BUB1B: variants seen among roughly 807,000 people sequenced by gnomAD.
BUB1B encodes BUB1 mitotic checkpoint serine/threonine kinase B, also known as mitotic checkpoint serine/threonine-protein kinase BUB1 beta.
Under a neutral mutation model 137.7 loss-of-function variants are expected in BUB1B, and 86 were observed. The ratio of observed to expected loss-of-function variants is 0.62; its 90% CI spans 0.52 to 0.75. The LOEUF (loss-of-function observed/expected upper bound fraction) is 0.75, where lower values mean the gene tolerates loss of function less well. Ranked by LOEUF, BUB1B falls within the 30% of genes least tolerant of loss-of-function variation. BUB1B has a pLI of 0.00. For missense variants in BUB1B, 1,130 were observed against 1,236.9 expected (o/e 0.91, Z 1.30); for synonymous variants, 420 against 417.9 (o/e 1.00, Z -0.06).
At chr15:40,211,707 C>A (rs2037713848) in intron 18 of BUB1B, among the ~76,000 whole-genome samples, 1 of 152,160 alleles carries the variant, frequency 6.6e-6, no homozygotes, top group Non-Finnish European at 1.5e-5. Flanking sequence ...CAGAGCCCTT[C>A]TGTTTTATAC....
At chr15:40,206,727 T>C (rs1333619101) in intron 15 of BUB1B, among the ~76,000 whole-genome samples, 3 of 152,194 alleles carry the variant, frequency 2.0e-5, no homozygotes, top group East Asian at 1.9e-4. Flanking sequence ...TTGCAAAGTG[T>C]ACATGACTGA....
intron 4 of BUB1B, among the ~76,000 whole-genome samples, 192 bp from the exon 5 acceptor site, chr15:40,176,285 C>T (rs2037222251): frequency 6.6e-6 from 1 of 152,190 alleles, no homozygotes. Context: ...CCTTTACTCT[C>T]CAACTCTTCT....
chr15:40,189,242 C>T (rs2037407812), intron 8 of BUB1B, among the ~76,000 whole-genome samples: 1 of 152,182 alleles, frequency 6.6e-6, no homozygotes, highest in South Asian at 2.1e-4. Context: ...TCACTGCAAC[C>T]TTCGCCTCTC....
Position 40,199,716 on chromosome 15 carries a change from AC to A in BUB1B, c.1391del (p.Thr464LysfsTer29), listed in dbSNP as rs780093144. On this transcript the variant is annotated frameshift_variant, in exon 10 of 23. Transcript: ENST00000287598. LOFTEE classifies it high-confidence loss of function. ...AATCCAAACTACTCAGCAAGAAAGA[AC>A]AGGTGATCAGGTAATTTTTCTTTTT... is the stretch of plus-strand genomic sequence containing the variant. Reference protein sequence around the residue: ...KEIQTTQQERTGDQQEETMPT... With the variant: ...KEIQTTQQERXGDQQEETMPT... 1 of 1,612,080 alleles carries A rather than the reference AC, an allele frequency of 6.2e-7. No individual in the cohort carries two copies. The highest frequency in any genetic ancestry group is 8.5e-7 in the Non-Finnish European group (1 of 1,178,292).
intron 18 of BUB1B, among the ~76,000 whole-genome samples, chr15:40,211,245 AC>A (rs1382244068): frequency 6.6e-6 from 1 of 151,868 alleles, no homozygotes; most frequent in African/African-American, 2.4e-5. Flanking sequence ...AAAATTTTTT[AC>A]CCCTTTGTCA....
In BUB1B at chr15:40,176,577, AT is replaced by A. The variant is rs1246516341; in HGVS notation, c.486del (p.Tyr162Ter). 1 of 1,614,166 alleles carries A rather than the reference AT, an allele frequency of 6.2e-7. No individual in the cohort carries two copies. Among genetic ancestry groups the A allele is most frequent in the African/African-American group, 1.3e-5 (1 of 75,046 alleles). On this transcript the variant is annotated frameshift_variant, in exon 5 of 23. Transcript: ENST00000287598. LOFTEE classifies it high-confidence loss of function. ...TTCTATATCTCATGGGCAGAAGAAT[AT>A]GAAGCTAGAGAAAACTTTAGGAAAG... ...AQFYISWAEE[Y>X]EARENFRKAD... is the part of the protein sequence containing the mutation.
chr15:40,170,240 C>T lies in BUB1B; in HGVS notation c.239+119C>T, dbSNP rs989762306. ...AGAGTAGACAGTGGTGTCCTGGGGG[C>T]ACAGAGATCCAGAATAATCATAATA... On this transcript the variant is annotated intron_variant, in intron 3 of 22. Coordinates refer to ENST00000287598, the MANE Select transcript of BUB1B (RefSeq NM_001211.6). The T allele has an allele frequency of 1.4e-5, 13 of 957,024 alleles. No homozygotes were observed. The Admixed American group carries it at 2.0e-4, about 15-fold the overall frequency. The allele number at this position is 957,024 out of a possible 1,614,324, so 59.3% of individuals were successfully genotyped here.
At chr15:40,204,604 CATAT>C (rs1566826129) in intron 14 of BUB1B, among the ~76,000 whole-genome samples, 1 of 151,346 alleles carries the variant, frequency 6.6e-6, no homozygotes, top group Non-Finnish European at 1.5e-5. Flanking sequence ...ACTTTAATCA[CATAT>C]ATAAATACAT....
At chr15:40,178,302 C>T (rs1439603958) in intron 5 of BUB1B, among the ~76,000 whole-genome samples, 1 of 151,998 alleles carries the variant, frequency 6.6e-6, no homozygotes, top group Non-Finnish European at 1.5e-5. Context: ...TTCTAGCTTA[C>T]CCCGTGTCTT....
intron 8 of BUB1B, among the ~76,000 whole-genome samples, chr15:40,194,336 GC>G (rs1219239668): frequency 5.3e-5 from 8 of 152,044 alleles, no homozygotes; most frequent in African/African-American, 1.9e-4. Flanking sequence ...TGTTTCTCTT[GC>G]CTAATAGCCT....
chr15:40,170,023 C>G, intron 2 of BUB1B, 39 bp from the exon 3 acceptor site: 2 of 1,508,204 alleles, frequency 1.3e-6, no homozygotes, highest in South Asian at 2.3e-5. Context: ...TGGCTGTTGT[C>G]ACTATTGCAT....
At chr15:40,186,499 C>T (rs993568966) in intron 8 of BUB1B, among the ~76,000 whole-genome samples, 3 of 124,396 alleles carry the variant, frequency 2.4e-5, no homozygotes, top group Non-Finnish European at 4.7e-5. Flanking sequence ...GTGTGGAGTG[C>T]AGTGGTGCGA....
At chr15:40,185,505 G>A (rs1595519949) in intron 7 of BUB1B, 46 bp from the exon 8 acceptor site, 1 of 1,601,168 alleles carries the variant, frequency 6.2e-7, no homozygotes, top group East Asian at 2.2e-5. Context: ...TATGCTGTCT[G>A]AGAACATAAA....
chr15:40,165,015 T>C, intron 1 of BUB1B, 38 bp from the exon 2 acceptor site: 1 of 1,613,064 alleles, frequency 6.2e-7, no homozygotes. Flanking sequence ...TAATAGTCAA[T>C]GTTGGTATGA....
chr15:40,185,964 T>A (rs188084306), intron 8 of BUB1B, among the ~76,000 whole-genome samples: 1 of 152,352 alleles, frequency 6.6e-6, no homozygotes, highest in Non-Finnish European at 1.5e-5. Flanking sequence ...AATATTTTAT[T>A]AAGGAATAAA....
chr15:40,182,980 GTTT>G (rs1467408481), intron 5 of BUB1B, among the ~76,000 whole-genome samples: 2 of 152,044 alleles, frequency 1.3e-5, no homozygotes. Flanking sequence ...ATGGTCTATA[GTTT>G]TTAATTCCTA....
Position 40,186,735 on chromosome 15 carries a change from G to A in BUB1B, c.1058+1093G>A, listed in dbSNP as rs111965988. Reference sequence around the variant, plus strand: ...GCTGGAATTACAGGCGTGAGCCACTGCGCCCAGCCCTAGTCCTAATACTAG... The same window carrying A: ...GCTGGAATTACAGGCGTGAGCCACTACGCCCAGCCCTAGTCCTAATACTAG... On this transcript the variant is annotated intron_variant, in intron 8 of 22. Coordinates refer to ENST00000287598, the MANE Select transcript of BUB1B (RefSeq NM_001211.6). Among the ~76,000 whole-genome samples, 147 of 151,578 alleles carry A rather than the reference G, an allele frequency of 9.7e-4. No homozygotes were observed. In the East Asian group the frequency reaches 0.011, roughly 12 times the overall value.
intron 21 of BUB1B, 52 bp downstream of exon 21, chr15:40,217,719 T>C: frequency 6.3e-7 from 1 of 1,597,022 alleles, no homozygotes; most frequent in Admixed American, 1.7e-5. Flanking sequence ...TTAATCTCTT[T>C]ATTATCTAGA....
chr15:40,207,886 A>T (rs926887013), intron 15 of BUB1B, among the ~76,000 whole-genome samples: 2 of 151,590 alleles, frequency 1.3e-5, no homozygotes, highest in African/African-American at 2.4e-5. Context: ...AAAATAAAAA[A>T]AAAAAATAGC....
Sources: allele counts gnomAD v4.1 joint callset (sites outside exome capture counted in the v4.1 genomes callset), GRCh38; gene constraint gnomAD v4.1.1; transcripts MANE v1.5; gene names NCBI Gene and HGNC (gene_info 2026-07-23, HGNC 2026-07-21).